The following DENND5B variants were observed in gnomAD, a reference collection of about 807,000 sequenced individuals.
The protein encoded by DENND5B is DENN domain containing 5B, also known as DENN domain-containing protein 5B.
A neutral mutation model predicts 140.6 loss-of-function variants in DENND5B; 34 were observed. The ratio of observed to expected loss-of-function variants is 0.24; its 90% CI spans 0.18 to 0.32. The LOEUF is 0.32. Among genes scored for constraint, DENND5B ranks in the 10% least tolerant of loss-of-function variants. The pLI, the probability that DENND5B is intolerant of heterozygous loss-of-function variation, is 1.00. For synonymous variants in DENND5B, 551 were observed against 562.1 expected, an observed-to-expected ratio of 0.98 and a Z score of 0.28; for missense variants, 1,142 against 1,560.2, an observed-to-expected ratio of 0.73 and a Z score of 4.52.
chr12:31,418,676 C>T (rs1445533934), intron 11 of DENND5B, among the ~76,000 whole-genome samples: 1 of 152,010 alleles, frequency 6.6e-6, no homozygotes, highest in Admixed American at 6.6e-5. Context: ...GAAAGATGGC[C>T]ACACAGGCGG....
At chr12:31,587,450 T>C (rs1266399937) in intron 1 of DENND5B, among the ~76,000 whole-genome samples, 1 of 150,372 alleles carries the variant, frequency 6.7e-6, no homozygotes, top group Admixed American at 6.6e-5. Flanking sequence ...TCGTTGGGCC[T>C]ACCTTCAACA....
chr12:31,393,828 C>G (rs995700282), intron 17 of DENND5B, among the ~76,000 whole-genome samples: 1 of 152,106 alleles, frequency 6.6e-6, no homozygotes, highest in African/African-American at 2.4e-5. Flanking sequence ...GCTGGGACTA[C>G]AGGTGCCGGC....
chr12:31,552,306 C>A (rs1949097026), intron 1 of DENND5B, among the ~76,000 whole-genome samples: 2 of 152,158 alleles, frequency 1.3e-5, no homozygotes, highest in East Asian at 3.8e-4. Context: ...GCCTTTTCTG[C>A]ATCTATTGAG....
intron 13 of DENND5B, among the ~76,000 whole-genome samples, chr12:31,413,145 G>A (rs1022184854): frequency 6.6e-6 from 1 of 152,132 alleles, no homozygotes; most frequent in Non-Finnish European, 1.5e-5. Context: ...TTGAATTCCT[G>A]GACTCAAGTG....
intron 1 of DENND5B, among the ~76,000 whole-genome samples, chr12:31,528,168 T>C (rs938570174): frequency 1.3e-5 from 2 of 152,226 alleles, no homozygotes; most frequent in Non-Finnish European, 2.9e-5. Context: ...TCAGTATTAC[T>C]GGTCTGAAAT....
chr12:31,491,665 T>G (rs1946533269), intron 2 of DENND5B, among the ~76,000 whole-genome samples: 1 of 152,226 alleles, frequency 6.6e-6, no homozygotes, highest in Admixed American at 6.5e-5. Flanking sequence ...TGTATTGTTC[T>G]TTCTGTTCTG....
At chr12:31,474,439 C>T (rs1945699542) in intron 3 of DENND5B, among the ~76,000 whole-genome samples, 1 of 152,178 alleles carries the variant, frequency 6.6e-6, no homozygotes. Flanking sequence ...AGAAAAGAGC[C>T]TTCACATCCT....
At chr12:31,570,052 G>A (rs1592069523) in intron 1 of DENND5B, among the ~76,000 whole-genome samples, 2 of 151,428 alleles carry the variant, frequency 1.3e-5, no homozygotes, top group East Asian at 4.0e-4. Context: ...AAAATTAGCT[G>A]GGCATGGTGG....
chr12:31,514,710 G>C (rs148292392), intron 1 of DENND5B, among the ~76,000 whole-genome samples: 1 of 152,032 alleles, frequency 6.6e-6, no homozygotes, highest in Non-Finnish European at 1.5e-5. Context: ...CCAGCTACTC[G>C]GGAGGCTAGG....
chr12:31,574,187 C>T lies in DENND5B; in HGVS notation c.127+16519G>A, dbSNP rs144365550. ...CTGAGGCAAGAGAACCACTTGAGCC[C>T]GGGAGATCGAGGCTGCAGTGAGCTG... On this transcript the variant is annotated intron_variant, in intron 1 of 20. Coordinates refer to ENST00000389082, the MANE Select transcript of DENND5B (RefSeq NM_144973.4). Among the ~76,000 whole-genome samples, 138 of 150,932 alleles carry T rather than the reference C, an allele frequency of 9.1e-4. 2 individuals are homozygous for T. In the East Asian group the frequency reaches 0.024, roughly 27 times the overall value.
At chr12:31,396,258 C>T (rs10771828) in intron 17 of DENND5B, 87,375 of 151,402 alleles carry the variant, frequency 0.58, 25,668 homozygotes, top group East Asian at 0.82. Context: ...TTAGTAGAGA[C>T]GGGGTTTCGC....
chr12:31,412,250 G>A (rs546752281), intron 13 of DENND5B, among the ~76,000 whole-genome samples: 2 of 152,142 alleles, frequency 1.3e-5, no homozygotes, highest in South Asian at 2.1e-4. Flanking sequence ...ACCTGACCTC[G>A]AAGAGGGTTT....
chr12:31,440,996 A>G (rs1261800116), intron 7 of DENND5B, among the ~76,000 whole-genome samples: 1 of 152,122 alleles, frequency 6.6e-6, no homozygotes, highest in Non-Finnish European at 1.5e-5. Context: ...TAGGCCTCCC[A>G]AAGTGCTGGG....
At chr12:31,483,201 G>A (rs1314774293) in intron 2 of DENND5B, among the ~76,000 whole-genome samples, 4 of 152,124 alleles carry the variant, frequency 2.6e-5, no homozygotes, top group African/African-American at 9.7e-5. Context: ...AAGAAGTGGA[G>A]CTCACTCTCC....
chr12:31,496,686 A>G (rs1398460725), intron 1 of DENND5B, among the ~76,000 whole-genome samples: 1 of 152,144 alleles, frequency 6.6e-6, no homozygotes, highest in African/African-American at 2.4e-5. Context: ...CAACATGGTG[A>G]GACCCCGTTT....
intron 1 of DENND5B, among the ~76,000 whole-genome samples, chr12:31,569,645 T>TA (rs1038051333): frequency 1.3e-5 from 2 of 151,632 alleles, no homozygotes; most frequent in Non-Finnish European, 2.9e-5. Flanking sequence ...CTGTCTCTAT[T>TA]AAAAACACAC....
At chr12:31,480,783 T>C (rs997661987) in intron 2 of DENND5B, among the ~76,000 whole-genome samples, 21 of 152,226 alleles carry the variant, frequency 1.4e-4, no homozygotes, top group African/African-American at 4.8e-4. Flanking sequence ...GTGTCATCTT[T>C]GCTATTTTGA....
intron 1 of DENND5B, among the ~76,000 whole-genome samples, chr12:31,586,894 C>T (rs775008949): frequency 6.6e-6 from 1 of 152,156 alleles, no homozygotes; most frequent in African/African-American, 2.4e-5. Flanking sequence ...ATTAATGCAG[C>T]AAAACAGAAA....
chr12:31,440,621 G>T (rs1943988446), intron 7 of DENND5B, among the ~76,000 whole-genome samples: 1 of 152,158 alleles, frequency 6.6e-6, no homozygotes, highest in Non-Finnish European at 1.5e-5. Flanking sequence ...CTTCATTAAA[G>T]TTGAGACAGC....
Sources: gnomAD v4.1 joint callset for allele counts (sites outside exome capture counted in the v4.1 genomes callset) on GRCh38, gnomAD v4.1.1 for gene constraint, MANE v1.5 for transcripts, NCBI Gene and HGNC (gene_info 2026-07-23, HGNC 2026-07-21) for gene names.